ADAMTS19: variants seen among roughly 807,000 people sequenced by gnomAD.
ADAMTS19 encodes the protein A disintegrin and metalloproteinase with thrombospondin motifs 19.
Under a neutral mutation model 153.3 loss-of-function variants are expected in ADAMTS19, and 93 were observed. That is an observed-to-expected ratio of 0.61 (90% CI 0.51 to 0.72). The LOEUF (loss-of-function observed/expected upper bound fraction) is 0.72, where lower values mean the gene tolerates loss of function less well. ADAMTS19 is among the 30% of genes least tolerant of loss of function. The pLI is 0.00. For missense variants in ADAMTS19, 1,482 were observed against 1,552.1 expected (o/e 0.95, Z 0.76); for synonymous variants, 600 against 556.6 (o/e 1.08, Z -1.10).
chr5:129,461,640 G>C lies in ADAMTS19; in HGVS notation c.630G>C (p.Thr210=), dbSNP rs773298842. 3 of 1,531,210 alleles carry C rather than the reference G, an allele frequency of 2.0e-6. No individual in the cohort carries two copies. Among genetic ancestry groups the C allele is most frequent in the Non-Finnish European group, 2.6e-6 (3 of 1,137,284 alleles). 94.9% of individuals were successfully genotyped at this position (1,531,210 alleles called of 1,614,324 possible). Residue 210 remains threonine (T), a synonymous_variant, in exon 2 of 23, where the codon ACG becomes ACC. Coordinates refer to ENST00000274487, the MANE Select transcript of ADAMTS19 (RefSeq NM_133638.6). The surrounding 1 kb of genome is among the most constrained non-coding windows in gnomAD (Gnocchi z 4.6). ...EQRPNPGPGP[T]GAASAPQPPA... ...GGCCAAATCCCGGCCCCGGCCCCAC[G>C]GGGGCAGCATCCGCCCCGCAACCTC...
At chr5:129,598,534 C>T (rs1750493158) in intron 8 of ADAMTS19, among the ~76,000 whole-genome samples, 1 of 152,186 alleles carries the variant, frequency 6.6e-6, no homozygotes, top group South Asian at 2.1e-4. Flanking sequence ...GTATCCATCA[C>T]CCAGCCCAAG....
At position 129,548,337 on chromosome 5, in the gene ADAMTS19, AC is replaced by A. The variant is rs1340943335; in HGVS notation, c.1329-3526del. The stretch of plus-strand genomic sequence containing the variant: ...TTCAAACAAATTTACAAAAAAAAAA[AC>A]AAACAACCCCATCAAAAAGTGGGTG... On this transcript the variant is annotated intron_variant, in intron 6 of 22. Transcript: ENST00000274487. 4.3e-4 allele frequency among the ~76,000 whole-genome samples: 64 copies of A among 147,500 alleles called. 1 individual carries two copies. Among genetic ancestry groups the A allele is most frequent in the Admixed American group, 1.8e-3 (27 of 15,042 alleles).
chr5:129,645,457 C>T (rs1753018893), intron 11 of ADAMTS19, among the ~76,000 whole-genome samples: 1 of 152,220 alleles, frequency 6.6e-6, no homozygotes, highest in South Asian at 2.1e-4. Flanking sequence ...CCTCTAGCTT[C>T]ATCCAGACAT....
chr5:129,654,409 T>C lies in ADAMTS19; in HGVS notation c.2280T>C (p.Asp760=), dbSNP rs1362168362. The C allele has an allele frequency of 1.9e-6, 3 of 1,612,204 alleles. No homozygotes were observed. The highest frequency in any genetic ancestry group is 2.5e-6 in the Non-Finnish European group (3 of 1,179,580). The stretch of plus-strand genomic sequence containing the variant: ...CTTCTTGTGGCTATCAGGGATTAGA[T>C]ATCTGTGCAAATGGCAGGTGCCAGG... ...DGTSCGYQGL[D]ICANGRCQKV... The change falls in exon 14 of 23, where the codon GAT becomes GAC. Residue 760 remains aspartate (D), a synonymous_variant. Coordinates refer to ENST00000274487, the MANE Select transcript of ADAMTS19 (RefSeq NM_133638.6).
At chr5:129,510,611 T>G (rs73787534) in intron 3 of ADAMTS19, among the ~76,000 whole-genome samples, 1,981 of 151,908 alleles carry the variant, frequency 0.013, 41 homozygotes, top group African/African-American at 0.045. Flanking sequence ...ACAGCTATAG[T>G]TTGGATTTAG....
In ADAMTS19 at chr5:129,701,500, G is replaced by T; in HGVS notation, c.3067G>T (p.Glu1023Ter). ...CAATGGAACACTGATTAGAGCCCGA[G>T]AGAGGGACTGCATTGGGCCCAAGCC... The part of the protein sequence containing the change: ...LSNGTLIRAR[E>*]RDCIGPKPAS... Residue 1023 changes from glutamate to a stop codon, truncating the protein, a stop_gained, in exon 20 of 23, where the codon GAG (glutamate) becomes TAG (stop). Transcript: ENST00000274487. LOFTEE classifies it high-confidence loss of function. 6.2e-7 allele frequency: 1 copy of T among 1,614,192 alleles called. No homozygotes were observed. The highest frequency in any genetic ancestry group is 8.5e-7 in the Non-Finnish European group (1 of 1,180,036).
rs547895004 is a variant in ADAMTS19 at position 129,464,658 on chromosome 5, G to A, written c.747+2901G>A. ...CTCTCCAGGTACTACTCTAACTTGT[G>A]TTATCAAAGGATAAGTGCCAGAATG... On this transcript the variant is annotated intron_variant, in intron 2 of 22. Transcript: ENST00000274487. Among the ~76,000 whole-genome samples, 323 of 152,336 alleles carry A rather than the reference G, an allele frequency of 2.1e-3. 2 individuals carry two copies. The highest frequency in any genetic ancestry group is 7.1e-3 in the African/African-American group (297 of 41,582).
intron 3 of ADAMTS19, among the ~76,000 whole-genome samples, chr5:129,514,947 TTTTGA>T (rs1189135604): frequency 2.0e-5 from 3 of 152,124 alleles, no homozygotes; most frequent in African/African-American, 7.2e-5. Context: ...CTTTAATCCA[TTTTGA>T]TTTGATTTTT....
intron 7 of ADAMTS19, among the ~76,000 whole-genome samples, chr5:129,590,008 A>G (rs957846334): frequency 2.6e-5 from 4 of 151,898 alleles, no homozygotes; most frequent in African/African-American, 9.7e-5. Context: ...GCATTCTCAG[A>G]TTTTTTTTAA....
intron 19 of ADAMTS19, among the ~76,000 whole-genome samples, chr5:129,700,474 G>A (rs1414892901): frequency 6.6e-6 from 1 of 152,158 alleles, no homozygotes; most frequent in Non-Finnish European, 1.5e-5. Context: ...ATCCAGGTAA[G>A]AGGTCAATCA....
chr5:129,523,769 C>A (rs965258658), intron 3 of ADAMTS19, among the ~76,000 whole-genome samples: 1 of 151,840 alleles, frequency 6.6e-6, no homozygotes, highest in African/African-American at 2.4e-5. Context: ...CATGAAGGAC[C>A]TCTTCAAGGA....
At chr5:129,548,915 CTA>C (rs1308922676) in intron 6 of ADAMTS19, among the ~76,000 whole-genome samples, 2 of 150,136 alleles carry the variant, frequency 1.3e-5, no homozygotes, top group African/African-American at 4.9e-5. Context: ...TCTCAGCAAA[CTA>C]TCGCAAGGAC....
At chr5:129,639,072 T>G in intron 10 of ADAMTS19, among the ~76,000 whole-genome samples, 1 of 152,216 alleles carries the variant, frequency 6.6e-6, no homozygotes, top group East Asian at 1.9e-4. Flanking sequence ...ATGCTGGGTT[T>G]TGCATCTCTG....
chr5:129,723,539 G>A lies in ADAMTS19; in HGVS notation c.3313-11393G>A, dbSNP rs543065853. Among the ~76,000 whole-genome samples the A allele has an allele frequency of 2.6e-5, 4 of 152,244 alleles. No homozygotes were observed. In the South Asian group the frequency reaches 6.2e-4, roughly 24 times the overall value. On this transcript the variant is annotated intron_variant, in intron 21 of 22. Coordinates refer to ENST00000274487, the MANE Select transcript of ADAMTS19 (RefSeq NM_133638.6). ...TCTCTAATCATTTTGAGAGTCCAAA[G>A]TGTTTAAATTATTGAGAATTATTCT...
intron 8 of ADAMTS19, among the ~76,000 whole-genome samples, chr5:129,615,853 G>A (rs1751496010): frequency 6.6e-6 from 1 of 151,974 alleles, no homozygotes; most frequent in Admixed American, 6.6e-5. Flanking sequence ...CCAAGAGCAA[G>A]GGATAGTGTT....
chr5:129,672,060 G>A (rs943161281), intron 16 of ADAMTS19, among the ~76,000 whole-genome samples: 1 of 152,176 alleles, frequency 6.6e-6, no homozygotes, highest in Non-Finnish European at 1.5e-5. Context: ...GAGGCCAGAA[G>A]TGTGAGATCA....
chr5:129,582,579 T>C (rs1390216501), intron 7 of ADAMTS19, among the ~76,000 whole-genome samples: 2 of 152,060 alleles, frequency 1.3e-5, no homozygotes. Flanking sequence ...TTTTTAATTT[T>C]TTTAATTTTT....
intron 6 of ADAMTS19, among the ~76,000 whole-genome samples, chr5:129,530,752 G>T (rs1021162525): frequency 6.6e-6 from 1 of 151,582 alleles, no homozygotes; most frequent in Non-Finnish European, 1.5e-5. Flanking sequence ...GCAAGGTAAG[G>T]ATGTCCCCTC....
rs201165015 is a variant in ADAMTS19, at chr5:129,465,044, CAG to C, written c.747+3288_747+3289del. The stretch of plus-strand genomic sequence containing the variant: ...CTAACTTGCCAGTTACCAATGAAAA[CAG>C]GGAAATACAATAGGTTGAGATACGT... On this transcript the variant is annotated intron_variant, in intron 2 of 22. Coordinates refer to ENST00000274487, the MANE Select transcript of ADAMTS19 (RefSeq NM_133638.6). Among the ~76,000 whole-genome samples the C allele has an allele frequency of 5.7e-3, 873 of 152,236 alleles. 5 individuals carry two copies. Among genetic ancestry groups the C allele is most frequent in the African/African-American group, 0.02 (819 of 41,536 alleles).
Sources: gnomAD v4.1 joint callset for allele counts (sites outside exome capture counted in the v4.1 genomes callset) on GRCh38, gnomAD v4.1.1 for gene constraint, Gnocchi (gnomAD v3.1) non-coding constraint, MANE v1.5 for transcripts, NCBI Gene and HGNC (gene_info 2026-07-23, HGNC 2026-07-21) for gene names.